The following ZDHHC14 variants were observed in gnomAD, a reference collection of about 807,000 sequenced individuals.
The protein encoded by ZDHHC14 is palmitoyltransferase ZDHHC14.
Under a neutral mutation model 47.7 loss-of-function variants are expected in ZDHHC14, and 16 were observed. The observed-to-expected ratio is 0.34, with a 90% CI of 0.23 to 0.51. ZDHHC14 has a LOEUF of 0.51. ZDHHC14 is among the 20% of genes least tolerant of loss of function. The pLI is 0.97. For synonymous variants in ZDHHC14, 293 were observed against 278.9 expected (o/e 1.05, Z -0.50); for missense variants, 515 against 662.5 (o/e 0.78, Z 2.44).
chr6:157,557,371 G>A (rs1432030304), intron 2 of ZDHHC14, among the ~76,000 whole-genome samples: 2 of 152,166 alleles, frequency 1.3e-5, no homozygotes, highest in Non-Finnish European at 2.9e-5. Context: ...AGGATTGGTA[G>A]GGGTGCCTGT....
At chr6:157,656,715 AAAAC>A (rs1229075607) in intron 8 of ZDHHC14, among the ~76,000 whole-genome samples, 58 of 91,662 alleles carry the variant, frequency 6.3e-4, no homozygotes, top group African/African-American at 2.9e-3. Flanking sequence ...CCAAAAAAAA[AAAAC>A]AAAAAAAAAA....
At chr6:157,642,298 T>C (rs1777294766) in intron 5 of ZDHHC14, among the ~76,000 whole-genome samples, 1 of 152,144 alleles carries the variant, frequency 6.6e-6, no homozygotes, top group Non-Finnish European at 1.5e-5. Context: ...CTTACGTACC[T>C]TCCTGCTGCA....
intron 1 of ZDHHC14, among the ~76,000 whole-genome samples, chr6:157,443,086 G>T (rs145602417): frequency 0.015 from 2,293 of 152,258 alleles, 31 homozygotes; most frequent in Non-Finnish European, 0.023. Flanking sequence ...GGACCTCGTG[G>T]GAGGTGATTG....
intron 1 of ZDHHC14, among the ~76,000 whole-genome samples, chr6:157,419,541 G>A (rs571776647): frequency 4.6e-5 from 7 of 152,280 alleles, no homozygotes; most frequent in African/African-American, 1.2e-4. Flanking sequence ...CCCGACTGTC[G>A]TAGAGTTGGG....
intron 1 of ZDHHC14, among the ~76,000 whole-genome samples, chr6:157,533,089 G>A (rs1396002363): frequency 6.6e-6 from 1 of 152,164 alleles, no homozygotes; most frequent in Non-Finnish European, 1.5e-5. Context: ...AGATGTGTTT[G>A]AAACACAAAT....
chr6:157,531,495 C>T lies in ZDHHC14; in HGVS notation c.246-11090C>T, dbSNP rs569728600. On this transcript the variant is annotated intron_variant, in intron 1 of 8. Transcript: ENST00000359775. Reference sequence around the variant, plus strand: ...CCCCTCCAGAAAGGCTTCACCAACACCCCCCGCTCCGGCCCACTGAGTTGG... The same window carrying T: ...CCCCTCCAGAAAGGCTTCACCAACATCCCCCGCTCCGGCCCACTGAGTTGG... Among the ~76,000 whole-genome samples, 327 of 152,186 alleles carry T rather than the reference C, an allele frequency of 2.1e-3. 3 individuals carry two copies. Among genetic ancestry groups the T allele is most frequent in the African/African-American group, 7.0e-3 (292 of 41,514 alleles).
At chr6:157,609,380 C>T (rs2114919801) in intron 3 of ZDHHC14, among the ~76,000 whole-genome samples, 1 of 152,262 alleles carries the variant, frequency 6.6e-6, no homozygotes, top group African/African-American at 2.4e-5. Context: ...CCACGGCTGG[C>T]CCTGAAGGAG....
At chr6:157,467,520 TTTA>T (rs1779248651) in intron 1 of ZDHHC14, among the ~76,000 whole-genome samples, 2 of 40,230 alleles carry the variant, frequency 5.0e-5, no homozygotes, top group South Asian at 1.2e-3. Context: ...CCTCATTTTA[TTTA>T]TTTATTTATT....
chr6:157,551,333 A>G (rs1308117144), intron 2 of ZDHHC14, among the ~76,000 whole-genome samples: 2 of 152,196 alleles, frequency 1.3e-5, no homozygotes, highest in Non-Finnish European at 2.9e-5. Context: ...TTTACAGATG[A>G]GTAAACTGAG....
At chr6:157,419,126 G>A (rs780770156) in intron 1 of ZDHHC14, among the ~76,000 whole-genome samples, 16 of 152,238 alleles carry the variant, frequency 1.1e-4, no homozygotes, top group African/African-American at 1.7e-4. Flanking sequence ...CCATGTCGGC[G>A]GAAATGAGTT....
intron 8 of ZDHHC14, among the ~76,000 whole-genome samples, chr6:157,657,453 TG>T (rs1397900044): frequency 6.6e-6 from 1 of 152,180 alleles, no homozygotes; most frequent in Non-Finnish European, 1.5e-5. Flanking sequence ...CACATGCACC[TG>T]GGAGCTGTTC....
chr6:157,564,308 C>T (rs1046620358), intron 2 of ZDHHC14, among the ~76,000 whole-genome samples: 1 of 152,176 alleles, frequency 6.6e-6, no homozygotes, highest in African/African-American at 2.4e-5. Context: ...TCATGTCAAC[C>T]ACACCAGGAA....
chr6:157,569,329 A>G (rs1488315037), intron 2 of ZDHHC14, among the ~76,000 whole-genome samples: 2 of 152,060 alleles, frequency 1.3e-5, no homozygotes, highest in Admixed American at 6.5e-5. Flanking sequence ...TTCTTCCCTC[A>G]AATGATTAGC....
intron 5 of ZDHHC14, among the ~76,000 whole-genome samples, chr6:157,638,762 T>A (rs2114969737): frequency 6.6e-6 from 1 of 152,302 alleles, no homozygotes; most frequent in East Asian, 1.9e-4. Flanking sequence ...TTATGCAGAA[T>A]AAGGGTTGGG....
intron 2 of ZDHHC14, among the ~76,000 whole-genome samples, chr6:157,591,462 G>A (rs148306971): frequency 0.011 from 1,727 of 152,172 alleles, 28 homozygotes; most frequent in African/African-American, 0.027. Flanking sequence ...CCCTTTGCTT[G>A]GCACCTCTCC....
intron 1 of ZDHHC14, among the ~76,000 whole-genome samples, chr6:157,425,872 C>T (rs987054273): frequency 1.3e-5 from 2 of 152,178 alleles, no homozygotes; most frequent in African/African-American, 2.4e-5. Flanking sequence ...CCCTTGGACA[C>T]CTGTTTCCTC....
chr6:157,628,083 C>A (rs1405481632), intron 3 of ZDHHC14, among the ~76,000 whole-genome samples: 1 of 152,178 alleles, frequency 6.6e-6, no homozygotes, highest in Non-Finnish European at 1.5e-5. Flanking sequence ...TGAGAATTTG[C>A]CCTCCTGTTT....
chr6:157,660,461 G>A, intron 8 of ZDHHC14, among the ~76,000 whole-genome samples: 1 of 152,152 alleles, frequency 6.6e-6, no homozygotes, highest in East Asian at 1.9e-4. Context: ...CCAAAGTGCT[G>A]GGATTACAGG....
At chr6:157,455,248 C>A (rs775450830) in intron 1 of ZDHHC14, among the ~76,000 whole-genome samples, 8 of 152,230 alleles carry the variant, frequency 5.3e-5, no homozygotes, top group Non-Finnish European at 8.8e-5. Flanking sequence ...TGCAGAAAGA[C>A]TCGGTCTTCC....
Sources: allele counts gnomAD v4.1 joint callset (sites outside exome capture counted in the v4.1 genomes callset), GRCh38; gene constraint gnomAD v4.1.1; transcripts MANE v1.5; gene names NCBI Gene and HGNC (gene_info 2026-07-23, HGNC 2026-07-21).